The following ADGRL3 variants were observed in gnomAD, a reference collection of about 807,000 sequenced individuals.
The protein encoded by ADGRL3 is calcium-independent alpha-latrotoxin receptor 3.
ADGRL3 carries 62 observed loss-of-function variants against 153.5 expected under a neutral mutation model. The ratio of observed to expected loss-of-function variants is 0.40; its 90% confidence interval spans 0.33 to 0.50. ADGRL3 has a LOEUF of 0.50. ADGRL3 is among the 20% of genes least tolerant of loss of function. The pLI is 0.47. For synonymous variants in ADGRL3, 710 were observed against 672.5 expected, an observed-to-expected ratio of 1.06 and a Z score of -0.86; for missense variants, 1,641 against 1,859.4, an observed-to-expected ratio of 0.88 and a Z score of 2.16.
intron 1 of ADGRL3, among the ~76,000 whole-genome samples, chr4:61,342,903 G>A (rs1465595839): frequency 2.6e-5 from 4 of 152,150 alleles, no homozygotes; most frequent in African/African-American, 7.2e-5. Flanking sequence ...AAGGAAAAAG[G>A]TTTAATTGAC....
chr4:61,394,492 T>C (rs1275189845), intron 2 of ADGRL3, among the ~76,000 whole-genome samples: 2 of 152,098 alleles, frequency 1.3e-5, no homozygotes, highest in East Asian at 1.9e-4. Flanking sequence ...ACACAAACCA[T>C]TGAAATATAT....
At chr4:62,026,406 G>A (rs28538307) in intron 21 of ADGRL3, among the ~76,000 whole-genome samples, 4,237 of 152,096 alleles carry the variant, frequency 0.028, 205 homozygotes, top group African/African-American at 0.098. Context: ...CTCTGTGGAC[G>A]CTACTTCTAC....
chr4:61,666,281 A>G (rs1430880218), intron 5 of ADGRL3, among the ~76,000 whole-genome samples: 1 of 152,140 alleles, frequency 6.6e-6, no homozygotes, highest in Non-Finnish European at 1.5e-5. Context: ...CTTGACTTCA[A>G]TATCTAGTAT....
At chr4:61,284,960 C>A (rs751599901) in intron 1 of ADGRL3, among the ~76,000 whole-genome samples, 2,672 of 151,366 alleles carry the variant, frequency 0.018, 65 homozygotes, top group African/African-American at 0.059. Context: ...TGTATGTTAC[C>A]AATCTTTGTT....
At chr4:61,528,664 C>T (rs2098592500) in intron 4 of ADGRL3, among the ~76,000 whole-genome samples, 1 of 152,068 alleles carries the variant, frequency 6.6e-6, no homozygotes. Context: ...TGTTTATTCT[C>T]TAGCCAGAGG....
intron 17 of ADGRL3, among the ~76,000 whole-genome samples, chr4:61,966,932 C>T (rs1383738368): frequency 7.2e-5 from 11 of 152,032 alleles, no homozygotes; most frequent in Non-Finnish European, 1.2e-4. Context: ...GTGGACCTTC[C>T]CACTGTTAAT....
chr4:62,055,613 T>C (rs1175870850), intron 25 of ADGRL3, among the ~76,000 whole-genome samples: 14 of 151,786 alleles, frequency 9.2e-5, no homozygotes, highest in Non-Finnish European at 1.5e-5. Context: ...AAAATTATGG[T>C]TTCTGTGATT....
At chr4:61,798,476 A>C (rs1356051977) in intron 8 of ADGRL3, among the ~76,000 whole-genome samples, 1 of 152,152 alleles carries the variant, frequency 6.6e-6, no homozygotes, top group Non-Finnish European at 1.5e-5. Flanking sequence ...CAGATGTGTG[A>C]AACAAAATCA....
chr4:61,523,036 T>C (rs1439104295), intron 4 of ADGRL3, among the ~76,000 whole-genome samples: 1 of 144,244 alleles, frequency 6.9e-6, no homozygotes, highest in Non-Finnish European at 1.5e-5. Flanking sequence ...TGATTTTGAA[T>C]TTGACTGGTC....
intron 1 of ADGRL3, among the ~76,000 whole-genome samples, chr4:61,342,139 C>T (rs547284995): frequency 8.4e-4 from 127 of 152,038 alleles, no homozygotes; most frequent in African/African-American, 2.7e-3. Flanking sequence ...TACATTTAGC[C>T]GGCATTTCAA....
intron 5 of ADGRL3, among the ~76,000 whole-genome samples, chr4:61,646,482 T>G (rs935437112): frequency 6.6e-6 from 1 of 151,848 alleles, no homozygotes; most frequent in Non-Finnish European, 1.5e-5. Flanking sequence ...GTCCTTTCTG[T>G]TTGTTATCTA....
At chr4:61,419,819 A>G (rs1248567360) in intron 2 of ADGRL3, among the ~76,000 whole-genome samples, 1 of 146,278 alleles carries the variant, frequency 6.8e-6, no homozygotes, top group Non-Finnish European at 1.5e-5. Flanking sequence ...TTTGAGATGG[A>G]GTTTTGCTCT....
intron 23 of ADGRL3, among the ~76,000 whole-genome samples, chr4:62,033,959 C>G (rs1349049865): frequency 6.6e-6 from 1 of 151,420 alleles, no homozygotes; most frequent in Non-Finnish European, 1.5e-5. Flanking sequence ...TCAGTTTTCC[C>G]AATATTAATA....
chr4:61,605,586 A>G (rs946656708), intron 5 of ADGRL3, among the ~76,000 whole-genome samples: 8 of 152,248 alleles, frequency 5.3e-5, no homozygotes, highest in African/African-American at 1.9e-4. Context: ...GAGTAGTTAT[A>G]GTCTAGGGAT....
At chr4:61,679,968 G>T (rs910382243) in intron 6 of ADGRL3, among the ~76,000 whole-genome samples, 9 of 150,846 alleles carry the variant, frequency 6.0e-5, no homozygotes, top group Non-Finnish European at 1.3e-4. Context: ...TTATTTTAAA[G>T]ATGTTTTTGT....
intron 1 of ADGRL3, among the ~76,000 whole-genome samples, chr4:61,335,337 T>TTCC (rs1489802571): frequency 6.6e-6 from 1 of 152,174 alleles, no homozygotes. Context: ...TTTAAAGAAA[T>TTCC]ACCATTACTG....
chr4:61,675,171 G>A (rs1179549729), intron 5 of ADGRL3, among the ~76,000 whole-genome samples: 2 of 151,826 alleles, frequency 1.3e-5, no homozygotes, highest in Non-Finnish European at 1.5e-5. Flanking sequence ...TAAACCCAAC[G>A]TATTTTTACA....
At chr4:61,787,834 C>G (rs2097295428) in intron 8 of ADGRL3, among the ~76,000 whole-genome samples, 1 of 151,868 alleles carries the variant, frequency 6.6e-6, no homozygotes, top group South Asian at 2.1e-4. Flanking sequence ...AGTTTCATCA[C>G]TCTAAAAAAT....
intron 5 of ADGRL3, among the ~76,000 whole-genome samples, chr4:61,608,624 G>A (rs2099041896): frequency 6.6e-6 from 1 of 152,076 alleles, no homozygotes. Context: ...ATGTGTACAA[G>A]GAGATAATAA....
Sources: gnomAD v4.1 joint callset for allele counts (sites outside exome capture counted in the v4.1 genomes callset) on GRCh38, gnomAD v4.1.1 for gene constraint, MANE v1.5 for transcripts, NCBI Gene and HGNC (gene_info 2026-07-23, HGNC 2026-07-21) for gene names.